The following SYT1 variants were observed in gnomAD, a reference collection of about 807,000 sequenced individuals.
The protein encoded by SYT1 is synaptotagmin-1.
SYT1 carries 8 observed loss-of-function variants against 44.8 expected under a neutral mutation model. The observed-to-expected ratio is 0.18, with a 90% CI of 0.10 to 0.32. SYT1 has a LOEUF of 0.32. Ranked by LOEUF, SYT1 falls within the 10% of genes least tolerant of loss-of-function variation. The pLI is 1.00. For synonymous variants in SYT1, 154 were observed against 188.8 expected (o/e 0.82, Z 1.51); for missense variants, 286 against 509.3 (o/e 0.56, Z 4.22).
At chr12:79,079,369 A>T (rs1565796234) in intron 3 of SYT1, among the ~76,000 whole-genome samples, 1 of 152,144 alleles carries the variant, frequency 6.6e-6, no homozygotes, top group East Asian at 1.9e-4. Flanking sequence ...CCTGAATCCA[A>T]GATGTAAAAG....
In SYT1 at chr12:79,143,297, G is replaced by A. The variant is rs1324590275; in HGVS notation, c.-17-74206G>A. Among the ~76,000 whole-genome samples, 3 of 152,126 alleles carry A rather than the reference G, an allele frequency of 2.0e-5. No individual in the cohort carries two copies. In the East Asian group the frequency reaches 5.8e-4, roughly 29 times the overall value. On this transcript the variant is annotated intron_variant, in intron 3 of 10. Transcript: ENST00000261205. ...TTACAATTATATACTGTTGTCTTTT[G>A]CAGCGTTTTCATGTGTATAGTACAA...
intron 3 of SYT1, among the ~76,000 whole-genome samples, chr12:79,099,727 G>A (rs1592748366): frequency 3.3e-5 from 5 of 152,152 alleles, no homozygotes; most frequent in East Asian, 3.9e-4. Flanking sequence ...TAAATTGTCA[G>A]TAATGTACTG....
chr12:79,300,368 C>T (rs1880078847), intron 8 of SYT1, among the ~76,000 whole-genome samples: 1 of 152,098 alleles, frequency 6.6e-6, no homozygotes, highest in African/African-American at 2.4e-5. Flanking sequence ...TGACGTAAGG[C>T]TGTAATTACG....
chr12:79,188,811 T>A (rs1424537250), intron 3 of SYT1, among the ~76,000 whole-genome samples: 11 of 152,116 alleles, frequency 7.2e-5, no homozygotes, highest in African/African-American at 2.7e-4. Context: ...TGGCTGACTT[T>A]CAAGTAAAAA....
chr12:79,039,767 T>C (rs1237054808), intron 2 of SYT1, among the ~76,000 whole-genome samples: 7 of 130,540 alleles, frequency 5.4e-5, no homozygotes, highest in East Asian at 2.7e-4. Flanking sequence ...TGCTATCCCT[T>C]CCCCCTCCCC....
At chr12:79,367,122 T>C (rs1883583122) in intron 9 of SYT1, among the ~76,000 whole-genome samples, 1 of 152,160 alleles carries the variant, frequency 6.6e-6, no homozygotes, top group South Asian at 2.1e-4. Flanking sequence ...CTTCAGTTTG[T>C]TAAGCTATTT....
At chr12:78,918,056 TA>T (rs1239187230) in intron 1 of SYT1, among the ~76,000 whole-genome samples, 1 of 152,094 alleles carries the variant, frequency 6.6e-6, no homozygotes, top group Non-Finnish European at 1.5e-5. Context: ...TTCTTGAATA[TA>T]AAAAATAATG....
chr12:79,205,372 TC>T (rs1874059842), intron 3 of SYT1, among the ~76,000 whole-genome samples: 3 of 152,182 alleles, frequency 2.0e-5, no homozygotes, highest in Admixed American at 6.5e-5. Context: ...CCTACTAAAA[TC>T]TTGGGAGGCT....
At chr12:79,432,180 T>A (rs1292299971) in intron 9 of SYT1, among the ~76,000 whole-genome samples, 2 of 151,988 alleles carry the variant, frequency 1.3e-5, no homozygotes, top group Non-Finnish European at 2.9e-5. Flanking sequence ...AAACCAGATA[T>A]TATAGATCTT....
At chr12:79,134,546 T>G (rs1228586685) in intron 3 of SYT1, among the ~76,000 whole-genome samples, 1 of 152,192 alleles carries the variant, frequency 6.6e-6, no homozygotes, top group Non-Finnish European at 1.5e-5. Context: ...AAGACATCGC[T>G]AGTACTAGAA....
At chr12:79,208,298 C>T (rs899455774) in intron 3 of SYT1, among the ~76,000 whole-genome samples, 5 of 152,088 alleles carry the variant, frequency 3.3e-5, no homozygotes, top group African/African-American at 4.8e-5. Context: ...AGCAGAAACT[C>T]GTGGGCTGCT....
chr12:78,871,404 A>C (rs1041638443), intron 1 of SYT1, among the ~76,000 whole-genome samples: 1 of 152,062 alleles, frequency 6.6e-6, no homozygotes, highest in African/African-American at 2.4e-5. Flanking sequence ...GAGAAGGAGA[A>C]AGAGCTAACT....
chr12:79,347,929 A>G (rs1314652963), intron 8 of SYT1, among the ~76,000 whole-genome samples: 1 of 152,182 alleles, frequency 6.6e-6, no homozygotes, highest in Non-Finnish European at 1.5e-5. Flanking sequence ...ACATGCAAGC[A>G]GAAAGCTGAA....
At chr12:79,312,510 T>C (rs1489456156) in intron 8 of SYT1, among the ~76,000 whole-genome samples, 1 of 152,066 alleles carries the variant, frequency 6.6e-6, no homozygotes, top group African/African-American at 2.4e-5. Flanking sequence ...GAATTTTCCC[T>C]TTTGATAAAA....
chr12:79,259,904 A>G (rs1368285749), intron 4 of SYT1, among the ~76,000 whole-genome samples: 1 of 152,108 alleles, frequency 6.6e-6, no homozygotes, highest in African/African-American at 2.4e-5. Flanking sequence ...TGGCAAAAAG[A>G]TTTTCTTTTG....
chr12:79,042,789 T>A (rs1434547324), intron 2 of SYT1, among the ~76,000 whole-genome samples: 5 of 150,410 alleles, frequency 3.3e-5, no homozygotes, highest in African/African-American at 1.2e-4. Context: ...CTCTACACAC[T>A]GCTTTGAATG....
chr12:79,442,549 T>C lies in SYT1; in HGVS notation c.929-1524T>C, dbSNP rs191876702. 8.7e-4 allele frequency among the ~76,000 whole-genome samples: 133 copies of C among 152,256 alleles called. 2 individuals carry two copies. The South Asian group carries it at 0.012, about 14-fold the overall frequency. On this transcript the variant is annotated intron_variant, in intron 9 of 10. Coordinates refer to ENST00000261205, the MANE Select transcript of SYT1 (RefSeq NM_005639.3). ...CCTAGTAATGCAGTCTCTGGGGTAG[T>C]GGGAAAAAGTCAGGACTGGGAGTCA...
At chr12:78,905,604 C>A (rs575091468) in intron 1 of SYT1, among the ~76,000 whole-genome samples, 3 of 151,924 alleles carry the variant, frequency 2.0e-5, no homozygotes, top group African/African-American at 7.2e-5. Flanking sequence ...TCTCCCCTAA[C>A]CTTTTATTAC....
intron 3 of SYT1, among the ~76,000 whole-genome samples, chr12:79,090,692 A>G (rs1418912714): frequency 6.6e-6 from 1 of 152,050 alleles, no homozygotes; most frequent in Admixed American, 6.6e-5. Context: ...AGGGAGCTAC[A>G]CAAAATACAG....
Sources: allele counts gnomAD v4.1 joint callset (sites outside exome capture counted in the v4.1 genomes callset), GRCh38; gene constraint gnomAD v4.1.1; transcripts MANE v1.5; gene names NCBI Gene and HGNC (gene_info 2026-07-23, HGNC 2026-07-21).